The following PIAS2 variants were observed in gnomAD, a reference collection of about 807,000 sequenced individuals.
PIAS2 encodes protein inhibitor of activated STAT 2, also known as E3 SUMO-protein ligase PIAS2.
In PIAS2, 19 loss-of-function variants were observed where a neutral mutation model predicts 69.7. That is an observed-to-expected ratio of 0.27 (90% CI 0.19 to 0.40). The LOEUF (loss-of-function observed/expected upper bound fraction) is 0.40. Ranked by LOEUF, PIAS2 falls within the 10% of genes least tolerant of loss-of-function variation. The probability of loss-of-function intolerance (pLI) is 1.00; values close to 1 mark genes in which losing one functional copy is unlikely to be tolerated. For synonymous variants in PIAS2, 261 were observed against 263.2 expected, an observed-to-expected ratio of 0.99 and a Z score of 0.08; for missense variants, 624 against 757.0, an observed-to-expected ratio of 0.82 and a Z score of 2.06.
chr18:46,879,441 C>T (rs2051814061), intron 2 of PIAS2, among the ~76,000 whole-genome samples: 1 of 152,068 alleles, frequency 6.6e-6, no homozygotes, highest in Non-Finnish European at 1.5e-5. Context: ...AACTGGAACC[C>T]CTGTGCACTG....
rs1290560313 is a variant in PIAS2, at chr18:46,805,193, G to A, written c.*7240C>T. On this transcript the variant is annotated 3_prime_UTR_variant, in exon 14 of 14. Coordinates refer to ENST00000585916, the MANE Select transcript of PIAS2 (RefSeq NM_004671.5). ...GGGCAAAGGAACTATGCTACGTCAT[G>A]TCGGAGGATGGATAGGTTACTGAGG... The A allele has an allele frequency of 6.6e-6, 1 of 152,184 alleles. No homozygotes were observed. Among genetic ancestry groups the A allele is most frequent in the Non-Finnish European group, 1.5e-5 (1 of 68,040 alleles). 9.4% of individuals were successfully genotyped at this position (152,184 alleles called of 1,614,324 possible).
chr18:46,852,281 A>G (rs1017872628), intron 5 of PIAS2, among the ~76,000 whole-genome samples: 6 of 152,226 alleles, frequency 3.9e-5, no homozygotes, highest in Non-Finnish European at 8.8e-5. Flanking sequence ...ATAGGACTTT[A>G]CGGAGCTAGG....
chr18:46,849,310 C>T (rs1376437977), intron 5 of PIAS2, among the ~76,000 whole-genome samples: 1 of 152,112 alleles, frequency 6.6e-6, no homozygotes, highest in African/African-American at 2.4e-5. Context: ...TATCTGATAA[C>T]TTGTATTCTA....
At chr18:46,873,717 A>G (rs2050721283) in intron 2 of PIAS2, among the ~76,000 whole-genome samples, 1 of 151,906 alleles carries the variant, frequency 6.6e-6, no homozygotes, top group Admixed American at 6.5e-5. Context: ...TTAATCACCC[A>G]GGTATTAGAT....
intron 2 of PIAS2, among the ~76,000 whole-genome samples, chr18:46,885,234 A>G (rs2052959307): frequency 6.6e-6 from 1 of 152,172 alleles, no homozygotes; most frequent in South Asian, 2.1e-4. Flanking sequence ...TATACTCATT[A>G]TGGGCCACAG....
At chr18:46,910,253 G>A (rs1159560472) in intron 1 of PIAS2, among the ~76,000 whole-genome samples, 1 of 152,128 alleles carries the variant, frequency 6.6e-6, no homozygotes, top group East Asian at 1.9e-4. Flanking sequence ...TCAGTACAAT[G>A]GCTACTGTCA....
chr18:46,825,110 T>C (rs1320197617), intron 11 of PIAS2, among the ~76,000 whole-genome samples: 4 of 152,176 alleles, frequency 2.6e-5, no homozygotes, highest in African/African-American at 9.7e-5. Flanking sequence ...CTTACTATCT[T>C]TGATGGCCAA....
chr18:46,891,268 C>T (rs2054037273), intron 1 of PIAS2: 2 of 661,780 alleles, frequency 3.0e-6, no homozygotes, highest in Non-Finnish European at 5.4e-6. Context: ...TTTTGTTGTA[C>T]AAGATCTTAA....
At position 46,844,923 on chromosome 18, in the gene PIAS2, T is replaced by C; in HGVS notation, c.862-84A>G. On this transcript the variant is annotated intron_variant, in intron 6 of 13. Coordinates refer to ENST00000585916, the MANE Select transcript of PIAS2 (RefSeq NM_004671.5). The stretch of plus-strand genomic sequence containing the variant: ...CATGAAATACTTATTTAAGAAACTC[T>C]GGTTTCTAAAAATAACATTCAAAAT... 3.8e-6 allele frequency: 2 copies of C among 531,830 alleles called. 1 individual carries two copies. Among genetic ancestry groups the C allele is most frequent in the South Asian group, 8.5e-5 (2 of 23,600 alleles). The allele number at this position is 531,830 out of a possible 1,614,324, so 32.9% of individuals were successfully genotyped here.
intron 3 of PIAS2, among the ~76,000 whole-genome samples, chr18:46,862,666 T>TACAC (rs1302407270): frequency 6.6e-6 from 1 of 151,814 alleles, no homozygotes; most frequent in African/African-American, 2.4e-5. Flanking sequence ...CACATATATA[T>TACAC]ACACACATAT....
chr18:46,891,699 A>G, intron 1 of PIAS2: 3 of 941,218 alleles, frequency 3.2e-6, no homozygotes, highest in Non-Finnish European at 3.8e-6. Flanking sequence ...GGGTATCCAA[A>G]TGAGAAAAAG....
chr18:46,893,550 CAAA>C, intron 1 of PIAS2: 1 of 558,258 alleles, frequency 1.8e-6, no homozygotes, highest in Non-Finnish European at 2.3e-6. Flanking sequence ...AATAGACAAA[CAAA>C]AAGTAAGAAA....
At chr18:46,915,091 T>C (rs2057669557) in intron 1 of PIAS2, 1 of 151,386 alleles carries the variant, frequency 6.6e-6, no homozygotes, top group Admixed American at 6.6e-5. Flanking sequence ...CAGAACAAAG[T>C]AGTGTAGCCC....
rs1000930358 is a variant in PIAS2 at position 46,804,702 on chromosome 18, G to A, written c.*7731C>T. The A allele has an allele frequency of 6.6e-6, 1 of 152,054 alleles. No homozygotes were observed. The highest frequency in any genetic ancestry group is 1.5e-5 in the Non-Finnish European group (1 of 68,020). 9.4% of individuals were successfully genotyped at this position (152,054 alleles called of 1,614,324 possible). A position where few individuals can be genotyped will look rare whatever the true frequency, so the allele number is the denominator to read the frequency against. On this transcript the variant is annotated 3_prime_UTR_variant, in exon 14 of 14. Transcript: ENST00000585916. ...TGAGGTGCCTCATTTACATGCTCTT[G>A]TAGCACCCTATACTTTGTCTTTTAC... is the stretch of plus-strand genomic sequence containing the variant.
At chr18:46,890,247 G>C (rs1425716492) in intron 2 of PIAS2, among the ~76,000 whole-genome samples, 1 of 152,230 alleles carries the variant, frequency 6.6e-6, no homozygotes, top group African/African-American at 2.4e-5. Context: ...AAGATGAAAA[G>C]AGTTCTGGAG....
intron 8 of PIAS2, among the ~76,000 whole-genome samples, chr18:46,839,664 A>T (rs184477045): frequency 6.6e-6 from 1 of 152,142 alleles, no homozygotes; most frequent in East Asian, 1.9e-4. Context: ...CAGGAGTTCG[A>T]CACCAGCCCA....
At chr18:46,919,442 C>T (rs2058389083), upstream of PIAS2, among the ~76,000 whole-genome samples, 1 of 151,726 alleles carries the variant, frequency 6.6e-6, no homozygotes, top group African/African-American at 2.4e-5. Context: ...GCGGAGATAG[C>T]GCCATTGCAC....
intron 2 of PIAS2, among the ~76,000 whole-genome samples, chr18:46,867,595 A>G (rs2049683350): frequency 6.6e-6 from 1 of 152,240 alleles, no homozygotes; most frequent in South Asian, 2.1e-4. Flanking sequence ...GTTAAGAGCA[A>G]ATGAAATGAA....
chr18:46,865,513 G>A (rs552548565), intron 2 of PIAS2, among the ~76,000 whole-genome samples: 7 of 125,270 alleles, frequency 5.6e-5, no homozygotes, highest in African/African-American at 1.9e-4. Flanking sequence ...GCACTACAGC[G>A]ATAGTCTTCA....
Sources: gnomAD v4.1 joint callset for allele counts (sites outside exome capture counted in the v4.1 genomes callset) on GRCh38, gnomAD v4.1.1 for gene constraint, MANE v1.5 for transcripts, NCBI Gene and HGNC (gene_info 2026-07-23, HGNC 2026-07-21) for gene names.